The following GALNT9 variants were observed in gnomAD, a reference collection of about 807,000 sequenced individuals.
GALNT9 encodes the protein GalNAc transferase 9.
A neutral mutation model predicts 63.1 loss-of-function variants in GALNT9; 47 were observed. That is an observed-to-expected ratio of 0.75 (90% CI 0.59 to 0.95). GALNT9 has a LOEUF of 0.95. Among genes scored for constraint, GALNT9 ranks in the 40% least tolerant of loss-of-function variants. The pLI, the probability that GALNT9 is intolerant of heterozygous loss-of-function variation, is 0.00. For synonymous variants in GALNT9, 396 were observed against 365.7 expected (o/e 1.08, Z -0.94); for missense variants, 829 against 874.8 (o/e 0.95, Z 0.66).
intron 6 of GALNT9, among the ~76,000 whole-genome samples, chr12:132,222,919 C>A (rs1239994542): frequency 1.4e-5 from 1 of 72,760 alleles, no homozygotes. Flanking sequence ...CACATACATC[C>A]CACACAACCC....
intron 1 of GALNT9, among the ~76,000 whole-genome samples, chr12:132,305,493 C>T (rs1278927895): frequency 1.0e-4 from 12 of 119,206 alleles, no homozygotes; most frequent in South Asian, 2.5e-4. Flanking sequence ...ACACCCTCAC[C>T]GGGGCACACC....
chr12:132,262,794 G>C (rs782001705), intron 2 of GALNT9, among the ~76,000 whole-genome samples, 169 bp from the exon 3 acceptor site: 2 of 152,038 alleles, frequency 1.3e-5, no homozygotes, highest in Non-Finnish European at 2.9e-5. Context: ...AGGAGACACG[G>C]TTTGGGGTGT....
chr12:132,298,471 C>T (rs928294405), intron 1 of GALNT9, among the ~76,000 whole-genome samples: 3 of 151,570 alleles, frequency 2.0e-5, no homozygotes, highest in Non-Finnish European at 4.4e-5. Flanking sequence ...CTAACCCACC[C>T]GAGATAACCA....
rs1240394304 is a variant in GALNT9, at chr12:132,315,989, G to A, written c.238+12977C>T. On this transcript the variant is annotated intron_variant, in intron 1 of 10. Transcript: ENST00000328957. The surrounding 1 kb of genome is among the most constrained non-coding windows in gnomAD (Gnocchi z 6.1). ...TTCGAGAGTGGAGGGTGGTGGGGAC[G>A]CGGGGTCCTGGAGAGGGCACGGCAG... is the stretch of plus-strand genomic sequence containing the variant. 1.3e-5 allele frequency among the ~76,000 whole-genome samples: 2 copies of A among 152,202 alleles called. No homozygotes were observed. The highest frequency in any genetic ancestry group is 2.4e-5 in the African/African-American group (1 of 41,456).
chr12:132,209,287 G>A (rs566582535), intron 6 of GALNT9, among the ~76,000 whole-genome samples: 2 of 152,174 alleles, frequency 1.3e-5, no homozygotes, highest in Non-Finnish European at 2.9e-5. Context: ...AGCAGTTTGG[G>A]AGGCTGAGGT....
intron 1 of GALNT9, among the ~76,000 whole-genome samples, chr12:132,323,375 C>T (rs367772669): frequency 2.6e-5 from 4 of 152,324 alleles, no homozygotes; most frequent in African/African-American, 9.6e-5. Flanking sequence ...GCCTGCTCTA[C>T]GCAGGTCTGC....
At position 132,203,660 on chromosome 12, in the gene GALNT9, G is replaced by A. The variant is rs1349602019; in HGVS notation, c.1108C>T (p.Leu370=). 6.2e-7 allele frequency: 1 copy of A among 1,613,252 alleles called. No individual in the cohort carries two copies. Among genetic ancestry groups the A allele is most frequent in the Non-Finnish European group, 8.5e-7 (1 of 1,179,774 alleles). ...ATGTGGGCCACGCGGGAGCAGGGCA[G>A]CACCTCCATGCTGCCGCCACACTGC... The part of the protein sequence containing the change: ...VWQCGGSMEV[L]PCSRVAHIER... Residue 370 remains leucine, a synonymous_variant, in exon 7 of 11, where the codon CTG becomes TTG. Transcript: ENST00000328957.
At chr12:132,259,539 C>T (rs370862802) in intron 4 of GALNT9, among the ~76,000 whole-genome samples, 13 of 152,284 alleles carry the variant, frequency 8.5e-5, no homozygotes, top group Middle Eastern at 6.8e-3. Flanking sequence ...GTCAGAACAG[C>T]GCCGGCTGGG....
rs1207658875 is a variant in GALNT9, at chr12:132,236,933, G to A, written c.1077+10977C>T. Among the ~76,000 whole-genome samples the A allele has an allele frequency of 2.0e-5, 3 of 152,256 alleles. No homozygotes were observed. The highest frequency in any genetic ancestry group is 6.5e-5 in the Admixed American group (1 of 15,296). On this transcript the variant is annotated intron_variant, in intron 6 of 10. Transcript: ENST00000328957. The surrounding 1 kb of genome is among the most constrained non-coding windows in gnomAD (Gnocchi z 5.6). The stretch of plus-strand genomic sequence containing the variant: ...GCCTCCCACAGCCTGGCTTCCTCCC[G>A]CAGGCCCCACAGCTGTTCTTATCCT...
chr12:132,309,624 C>T (rs782563032), intron 1 of GALNT9, among the ~76,000 whole-genome samples: 7 of 152,214 alleles, frequency 4.6e-5, no homozygotes, highest in African/African-American at 1.7e-4. Context: ...GACGATGCCA[C>T]GACTGCCCAG....
At chr12:132,197,711 G>A in intron 10 of GALNT9, 81 bp downstream of exon 10, 1 of 1,082,932 alleles carries the variant, frequency 9.2e-7, no homozygotes, top group Non-Finnish European at 1.3e-6. Context: ...CAATGGGCTG[G>A]CTCTAGTGGC....
In GALNT9 at chr12:132,257,651, G is replaced by C. The variant is rs1351966501; in HGVS notation, c.959+38C>G. ...GCCTCGCTCTGCTCCGCTCCTTGCC[G>C]GGCAGGGCCGCCCTCGACCCCTGAG... is the stretch of plus-strand genomic sequence containing the variant. On this transcript the variant is annotated intron_variant, in intron 5 of 10. Transcript: ENST00000328957. 5 of 1,493,930 alleles carry C rather than the reference G, an allele frequency of 3.3e-6. No homozygotes were observed. The African/African-American group carries it at 4.2e-5, about 12-fold the overall frequency. 92.5% of individuals were successfully genotyped at this position (1,493,930 alleles called of 1,614,324 possible). A position where few individuals can be genotyped will look rare whatever the true frequency, so the allele number is the denominator to read the frequency against.
chr12:132,313,350 T>C (rs1336488902), intron 1 of GALNT9, among the ~76,000 whole-genome samples: 127 of 75,518 alleles, frequency 1.7e-3, no homozygotes, highest in Middle Eastern at 0.025. Flanking sequence ...CCCATCCATC[T>C]CTCCACCCAC....
chr12:132,213,845 A>G (rs958886971), intron 6 of GALNT9, among the ~76,000 whole-genome samples: 1 of 152,254 alleles, frequency 6.6e-6, no homozygotes, highest in Non-Finnish European at 1.5e-5. Flanking sequence ...GCTGAAAGAA[A>G]GAGCCTCGAC....
chr12:132,297,176 C>T (rs1555243331), intron 1 of GALNT9, among the ~76,000 whole-genome samples: 3 of 151,860 alleles, frequency 2.0e-5, no homozygotes, highest in Non-Finnish European at 2.9e-5. Flanking sequence ...CCCATGATAA[C>T]CAACTCACTC....
intron 6 of GALNT9, among the ~76,000 whole-genome samples, chr12:132,232,044 G>A (rs1369705060): frequency 2.8e-4 from 2 of 7,092 alleles, no homozygotes; most frequent in Non-Finnish European, 4.8e-4. Context: ...TCGATGGGGC[G>A]ACAGAGGAGA....
At chr12:132,205,537 G>C (rs551824581) in intron 6 of GALNT9, 2 of 152,260 alleles carry the variant, frequency 1.3e-5, no homozygotes, top group Admixed American at 6.5e-5. Flanking sequence ...GGACACCCCC[G>C]CCCCACAGTC....
In GALNT9 at chr12:132,201,529, C is replaced by T. The variant is rs373948704; in HGVS notation, c.1264-268G>A. Among the ~76,000 whole-genome samples, 300 of 152,294 alleles carry T rather than the reference C, an allele frequency of 2.0e-3. 2 individuals are homozygous for T. The highest frequency in any genetic ancestry group is 6.7e-3 in the African/African-American group (277 of 41,558). On this transcript the variant is annotated intron_variant, in intron 7 of 10. Transcript: ENST00000328957. ...CGGCCCCTGCTGCAGCCGGCTCGTC[C>T]ACACCCACCCGGGCCCAGGAACCTC... is the stretch of plus-strand genomic sequence containing the variant.
Position 132,252,004 on chromosome 12 carries a change from G to A in GALNT9, c.960-3977C>T, listed in dbSNP as rs781887885. Among the ~76,000 whole-genome samples, 1 of 152,218 alleles carries A rather than the reference G, an allele frequency of 6.6e-6. No homozygotes were observed. The highest frequency in any genetic ancestry group is 1.5e-5 in the Non-Finnish European group (1 of 68,038). On this transcript the variant is annotated intron_variant, in intron 5 of 10. Transcript: ENST00000328957. The surrounding 1 kb of genome is among the most constrained non-coding windows in gnomAD (Gnocchi z 5.2). Reference sequence around the variant, plus strand: ...CCTGCCGTTCTCCCACCTTGCTCACGTGATGGGGGTGCCGGATCTTAACTG... The same window carrying A: ...CCTGCCGTTCTCCCACCTTGCTCACATGATGGGGGTGCCGGATCTTAACTG...
Sources: gnomAD v4.1 joint callset for allele counts (sites outside exome capture counted in the v4.1 genomes callset) on GRCh38, gnomAD v4.1.1 for gene constraint, Gnocchi (gnomAD v3.1) non-coding constraint, MANE v1.5 for transcripts, NCBI Gene and HGNC (gene_info 2026-07-23, HGNC 2026-07-21) for gene names.